ARHGAP15: variants seen among roughly 807,000 people sequenced by gnomAD.
ARHGAP15 encodes the protein rho GTPase-activating protein 15.
ARHGAP15 carries 51 observed loss-of-function variants against 63.7 expected under a neutral mutation model. The observed-to-expected ratio is 0.80, with a 90% CI of 0.64 to 1.01. The LOEUF is 1.01. Among genes scored for constraint, ARHGAP15 ranks in the 50% least tolerant of loss-of-function variants. The pLI is 0.00. For synonymous variants in ARHGAP15, 191 were observed against 193.8 expected (o/e 0.99, Z 0.12); for missense variants, 560 against 564.6 (o/e 0.99, Z 0.08).
chr2:143,364,219 A>C (rs376914448), intron 6 of ARHGAP15, among the ~76,000 whole-genome samples: 2 of 152,092 alleles, frequency 1.3e-5, no homozygotes, highest in East Asian at 3.9e-4. Flanking sequence ...AAAAAAAAAA[A>C]CATTCAATCA....
chr2:143,410,996 G>A (rs1688418580), intron 6 of ARHGAP15, among the ~76,000 whole-genome samples: 2 of 152,088 alleles, frequency 1.3e-5, no homozygotes, highest in Non-Finnish European at 2.9e-5. Flanking sequence ...CTGAGGTCAG[G>A]AGTTCACGAA....
At chr2:143,505,167 C>A (rs1693253435) in intron 9 of ARHGAP15, among the ~76,000 whole-genome samples, 1 of 152,192 alleles carries the variant, frequency 6.6e-6, no homozygotes, top group Non-Finnish European at 1.5e-5. Flanking sequence ...GTTTTACCAA[C>A]TAATATCAGC....
At position 143,413,971 on chromosome 2, in the gene ARHGAP15, G is replaced by GCGCGCA. The variant is rs147891307; in HGVS notation, c.475-21629_475-21628insGCGCAC. On this transcript the variant is annotated intron_variant, in intron 6 of 13. Transcript: ENST00000295095. ...TGTGTGTGTGTGTGTGTGTGTGCGC[G>GCGCGCA]CTCTCTGGCAGAAAGTTAATCTGAA... Among the ~76,000 whole-genome samples the GCGCGCA allele has an allele frequency of 1.5e-3, 216 of 147,716 alleles. 4 individuals are homozygous for GCGCGCA. The highest frequency in any genetic ancestry group is 2.6e-3 in the Admixed American group (38 of 14,652).
intron 12 of ARHGAP15, among the ~76,000 whole-genome samples, chr2:143,657,304 G>T (rs1301638410): frequency 6.6e-6 from 1 of 152,148 alleles, no homozygotes; most frequent in African/African-American, 2.4e-5. Context: ...CCGAGATCGC[G>T]CCACTGCACT....
intron 10 of ARHGAP15, among the ~76,000 whole-genome samples, chr2:143,553,253 A>C (rs930609050): frequency 2.0e-5 from 3 of 152,198 alleles, no homozygotes; most frequent in African/African-American, 7.2e-5. Flanking sequence ...CCTCCTTTTT[A>C]ATATGTACTT....
chr2:143,381,782 A>G (rs934986154), intron 6 of ARHGAP15, among the ~76,000 whole-genome samples: 11 of 152,080 alleles, frequency 7.2e-5, no homozygotes, highest in African/African-American at 2.4e-4. Flanking sequence ...TTTCTAACCC[A>G]GTGTTTCCTG....
intron 6 of ARHGAP15, among the ~76,000 whole-genome samples, chr2:143,309,024 T>C (rs1683314111): frequency 6.6e-6 from 1 of 151,524 alleles, no homozygotes. Flanking sequence ...TATTATCTCA[T>C]ATTGTTCTTT....
intron 12 of ARHGAP15, among the ~76,000 whole-genome samples, chr2:143,649,544 A>ACAAT (rs2105295029): frequency 6.6e-6 from 1 of 152,060 alleles, no homozygotes; most frequent in East Asian, 1.9e-4. Flanking sequence ...AATTTTGAAA[A>ACAAT]CAATCAGCTT....
chr2:143,590,902 C>A (rs1416881058), intron 11 of ARHGAP15, among the ~76,000 whole-genome samples: 1 of 151,914 alleles, frequency 6.6e-6, no homozygotes, highest in Non-Finnish European at 1.5e-5. Flanking sequence ...ATTCTTGTTG[C>A]CGCTGCTTCA....
chr2:143,512,402 C>T (rs567627736), intron 9 of ARHGAP15, among the ~76,000 whole-genome samples: 1 of 152,190 alleles, frequency 6.6e-6, no homozygotes, highest in Non-Finnish European at 1.5e-5. Flanking sequence ...CTACCCAAAA[C>T]AAATGGCAGC....
intron 9 of ARHGAP15, 24 bp downstream of exon 9, chr2:143,487,519 C>A: frequency 6.2e-7 from 1 of 1,601,134 alleles, no homozygotes; most frequent in Non-Finnish European, 8.5e-7. Context: ...TATACTTGTA[C>A]TATAACTGTG....
intron 6 of ARHGAP15, chr2:143,344,102 C>T (rs375178123): frequency 6.6e-6 from 1 of 152,200 alleles, no homozygotes; most frequent in Admixed American, 6.6e-5. Flanking sequence ...ACATTCAGAA[C>T]GATTACTTGT....
chr2:143,414,145 T>C (rs1268147442), intron 6 of ARHGAP15, among the ~76,000 whole-genome samples: 1 of 151,210 alleles, frequency 6.6e-6, no homozygotes, highest in Non-Finnish European at 1.5e-5. Context: ...TGTAATTAAA[T>C]ATTTAAAAGG....
At chr2:143,427,428 A>C (rs544407260) in intron 6 of ARHGAP15, among the ~76,000 whole-genome samples, 1 of 152,256 alleles carries the variant, frequency 6.6e-6, no homozygotes, top group Non-Finnish European at 1.5e-5. Context: ...TCTTTGCATC[A>C]CTGAGTTTCT....
chr2:143,225,771 G>A lies in ARHGAP15; in HGVS notation c.297-2810G>A, dbSNP rs141245234. On this transcript the variant is annotated intron_variant, in intron 4 of 13. Transcript: ENST00000295095. ...ATTTTTCATATTAGTAAATAGAGAT[G>A]TTAGTACTTTCATCATTTTTGTGTA... is the stretch of plus-strand genomic sequence containing the variant. Among the ~76,000 whole-genome samples the A allele has an allele frequency of 1.4e-3, 206 of 152,242 alleles. 1 individual carries two copies. The highest frequency in any genetic ancestry group is 2.4e-3 in the Non-Finnish European group (160 of 68,020).
intron 12 of ARHGAP15, among the ~76,000 whole-genome samples, chr2:143,681,959 A>G (rs1027976511): frequency 3.9e-5 from 6 of 152,232 alleles, no homozygotes; most frequent in Admixed American, 3.3e-4. Context: ...CTAGAAGGCT[A>G]AAAGTTGACT....
chr2:143,667,192 T>C (rs1458017871), intron 12 of ARHGAP15, among the ~76,000 whole-genome samples: 1 of 148,856 alleles, frequency 6.7e-6, no homozygotes, highest in East Asian at 2.0e-4. Context: ...AATGATAGAC[T>C]GGATTAAGAA....
intron 8 of ARHGAP15, among the ~76,000 whole-genome samples, chr2:143,467,242 C>CTTTTTTTTTTTTTTTTTTTTTTTTTTTGT (rs202115707): frequency 1.7e-5 from 1 of 57,896 alleles, no homozygotes; most frequent in Non-Finnish European, 3.0e-5. Context: ...ACTCCATGGC[C>CTTTTTTTTTTTTTTTTTTTTTTTTTTTGT]TTTTTTTTTT....
chr2:143,650,448 G>C (rs1016752467), intron 12 of ARHGAP15, among the ~76,000 whole-genome samples: 11 of 151,822 alleles, frequency 7.2e-5, no homozygotes, highest in Non-Finnish European at 2.9e-5. Context: ...CATCTTTTCT[G>C]GTTCTAAAAT....
Sources: gnomAD v4.1 joint callset for allele counts (sites outside exome capture counted in the v4.1 genomes callset) on GRCh38, gnomAD v4.1.1 for gene constraint, MANE v1.5 for transcripts, NCBI Gene and HGNC (gene_info 2026-07-23, HGNC 2026-07-21) for gene names.